Variants in RNF141 observed in about 807,000 individuals in gnomAD.
RNF141 encodes C3HC4-like zinc finger protein.
In RNF141, 18 loss-of-function variants were observed where a neutral mutation model predicts 27.4. That is an observed-to-expected ratio of 0.66 (90% confidence interval 0.45 to 0.97). The LOEUF (loss-of-function observed/expected upper bound fraction) is 0.97, where lower values mean the gene tolerates loss of function less well. RNF141 is among the 50% of genes least tolerant of loss of function. The pLI is 0.00. For missense variants in RNF141, 230 were observed against 279.4 expected (o/e 0.82, Z 1.26); for synonymous variants, 97 against 96.6 (o/e 1.00, Z -0.02).
chr11:10,523,194 T>G (rs1414045240), intron 4 of RNF141, among the ~76,000 whole-genome samples: 1 of 152,238 alleles, frequency 6.6e-6, no homozygotes, highest in Non-Finnish European at 1.5e-5. Flanking sequence ...TGGCCCCACC[T>G]GGGAGCTTGA....
chr11:10,527,574 G>C (rs907596119), intron 3 of RNF141, among the ~76,000 whole-genome samples: 1 of 152,030 alleles, frequency 6.6e-6, no homozygotes, highest in African/African-American at 2.4e-5. Context: ...GGTGAGGTGG[G>C]AATAGAATAT....
rs751787351 is a variant in RNF141 at position 10,540,829 on chromosome 11, A to C, written c.-48+293T>G. The C allele has an allele frequency of 2.6e-5, 4 of 152,368 alleles. No homozygotes were observed. In the South Asian group the frequency reaches 8.3e-4, roughly 32 times the overall value. 9.4% of individuals were successfully genotyped at this position (152,368 alleles called of 1,614,324 possible). On this transcript the variant is annotated intron_variant, in intron 1 of 5. Coordinates refer to ENST00000265981, the MANE Select transcript of RNF141 (RefSeq NM_016422.4). ...GCAATATTCAAACAACCGTTTTGGG[A>C]TAGAGAAGGAAAAACTCTCTCCGGG... is the stretch of plus-strand genomic sequence containing the variant.
At position 10,512,088 on chromosome 11, in the gene RNF141, G is replaced by A. The variant is rs962125900; in HGVS notation, c.*2828C>T. The A allele has an allele frequency of 6.6e-6, 1 of 152,606 alleles. No individual in the cohort carries two copies. The highest frequency in any genetic ancestry group is 2.4e-5 in the African/African-American group (1 of 41,420). The allele number at this position is 152,606 out of a possible 1,614,324, so 9.5% of individuals were successfully genotyped here. ...ATCGGAGTAAACCCTCTGTTACTGA[G>A]TTAGGATAGGGAAAACAAATTCCTT... is the stretch of plus-strand genomic sequence containing the variant. On this transcript the variant is annotated 3_prime_UTR_variant, in exon 6 of 6. Transcript: ENST00000265981.
intron 3 of RNF141, among the ~76,000 whole-genome samples, chr11:10,525,947 AAGGTTGTACCTTTAC>A (rs938102015): frequency 1.2e-4 from 18 of 152,142 alleles, no homozygotes; most frequent in African/African-American, 3.9e-4. Context: ...CAGTGGCCCA[AAGGTTGTACCTTTAC>A]AGGTTGTACC....
intron 4 of RNF141, 74 bp downstream of exon 4, chr11:10,525,118 G>T: frequency 1.7e-6 from 2 of 1,176,380 alleles, no homozygotes; most frequent in Non-Finnish European, 2.3e-6. Flanking sequence ...ATGAGCAACA[G>T]CAAAAATATT....
In RNF141 at chr11:10,513,313, A is replaced by G. The variant is rs1849816752; in HGVS notation, c.*1603T>C. ...TTATTTGCTCGCCTATTAAAATCCT[A>G]CTATCCAGAAATTCTGTCATCAATA... is the stretch of plus-strand genomic sequence containing the variant. On this transcript the variant is annotated 3_prime_UTR_variant, in exon 6 of 6. Transcript: ENST00000265981. 6.6e-6 allele frequency: 1 copy of G among 152,328 alleles called. No homozygotes were observed. The highest frequency in any genetic ancestry group is 2.4e-5 in the African/African-American group (1 of 41,578). 9.4% of individuals were successfully genotyped at this position (152,328 alleles called of 1,614,324 possible).
chr11:10,532,255 T>C (rs1849993426), intron 2 of RNF141, among the ~76,000 whole-genome samples: 1 of 152,082 alleles, frequency 6.6e-6, no homozygotes, highest in Non-Finnish European at 1.5e-5. Flanking sequence ...TGTTACTAAA[T>C]TCAGAATCCT....
At position 10,513,227 on chromosome 11, in the gene RNF141, T is replaced by A. The variant is rs1192077498; in HGVS notation, c.*1689A>T. On this transcript the variant is annotated 3_prime_UTR_variant, in exon 6 of 6. Coordinates refer to ENST00000265981, the MANE Select transcript of RNF141 (RefSeq NM_016422.4). ...ATGTCAATGGATTAGTCTTCAGTATTTTTGGGGGCGAAATCAAGCTACCCC... is the reference window on the plus strand; with the variant it reads ...ATGTCAATGGATTAGTCTTCAGTATATTTGGGGGCGAAATCAAGCTACCCC... 1 of 152,234 alleles carries A rather than the reference T, an allele frequency of 6.6e-6. No individual in the cohort carries two copies. The highest frequency in any genetic ancestry group is 1.5e-5 in the Non-Finnish European group (1 of 68,028). The allele number at this position is 152,234 out of a possible 1,614,324, so 9.4% of individuals were successfully genotyped here.
chr11:10,530,733 AG>A lies in RNF141; in HGVS notation c.161del (p.Ser54LeufsTer45). ...ELNDVTAKVASGQEKHLLFEV... is the reference protein window; with the variant it reads ...ELNDVTAKVAXGQEKHLLFEV... The stretch of plus-strand genomic sequence containing the variant: ...CAAAGAGAAGATGTTTTTCCTGGCC[AG>A]AAGCCACTTTAGCCGTTCTGAAAAG... On this transcript the variant is annotated frameshift_variant, in exon 3 of 6. Coordinates refer to ENST00000265981, the MANE Select transcript of RNF141 (RefSeq NM_016422.4). LOFTEE classifies it high-confidence loss of function. 1.9e-6 allele frequency: 3 copies of A among 1,606,176 alleles called. No homozygotes were observed. The highest frequency in any genetic ancestry group is 2.6e-6 in the Non-Finnish European group (3 of 1,175,398).
In RNF141 at chr11:10,512,500, T is replaced by A. The variant is rs1849809488; in HGVS notation, c.*2416A>T. 6.6e-6 allele frequency: 1 copy of A among 152,632 alleles called. No individual in the cohort carries two copies. Among genetic ancestry groups the A allele is most frequent in the South Asian group, 2.1e-4 (1 of 4,830 alleles). 9.5% of individuals were successfully genotyped at this position (152,632 alleles called of 1,614,324 possible). On this transcript the variant is annotated 3_prime_UTR_variant, in exon 6 of 6. Transcript: ENST00000265981. ...AATAACTCCTTGAAAGGTGAAGGAT[T>A]CTGGGGGATAAAATCATTGGCTATC...
Position 10,511,891 on chromosome 11 carries a change from T to C in RNF141, c.*3025A>G, listed in dbSNP as rs1056849815. 6.5e-6 allele frequency: 1 copy of C among 152,678 alleles called. No homozygotes were observed. 9.5% of individuals were successfully genotyped at this position (152,678 alleles called of 1,614,324 possible). On this transcript the variant is annotated 3_prime_UTR_variant, in exon 6 of 6. Coordinates refer to ENST00000265981, the MANE Select transcript of RNF141 (RefSeq NM_016422.4). ...AATATAAACATTTAGTATATTAGAA[T>C]GTGAAATTACATAGGAAAATAATCT...
At chr11:10,530,527 T>C in intron 3 of RNF141, 116 bp downstream of exon 3, 1 of 511,754 alleles carries the variant, frequency 2.0e-6, no homozygotes, top group East Asian at 3.2e-5. Flanking sequence ...AACTATGTTT[T>C]ACAAAACCAC....
At position 10,514,839 on chromosome 11, in the gene RNF141, G is replaced by T; in HGVS notation, c.*77C>A. ...AATGGATTTTCCTGTGTCTGTGCCA[G>T]TGCCACAACCCTACATTCTTCCCCC... On this transcript the variant is annotated 3_prime_UTR_variant, in exon 6 of 6. Coordinates refer to ENST00000265981, the MANE Select transcript of RNF141 (RefSeq NM_016422.4). 1 of 1,389,132 alleles carries T rather than the reference G, an allele frequency of 7.2e-7. No homozygotes were observed. The highest frequency in any genetic ancestry group is 9.7e-7 in the Non-Finnish European group (1 of 1,029,266). 86.1% of individuals were successfully genotyped at this position (1,389,132 alleles called of 1,614,324 possible). A position where few individuals can be genotyped will look rare whatever the true frequency, so the allele number is the denominator to read the frequency against.
intron 4 of RNF141, among the ~76,000 whole-genome samples, chr11:10,522,725 T>C (rs1849897743): frequency 6.6e-6 from 1 of 152,188 alleles, no homozygotes; most frequent in South Asian, 2.1e-4. Context: ...AAACAATAAA[T>C]AGAATATAGT....
intron 1 of RNF141, among the ~76,000 whole-genome samples, chr11:10,540,588 A>T (rs879933492): frequency 6.6e-6 from 1 of 152,196 alleles, no homozygotes; most frequent in East Asian, 1.9e-4. Context: ...GCCTAAGCCA[A>T]TTCATAAGTG....
Position 10,532,134 on chromosome 11 carries a change from A to G in RNF141, c.144-1383T>C, listed in dbSNP as rs1456360183. 3.9e-5 allele frequency: 11 copies of G among 283,328 alleles called. No homozygotes were observed. In the Admixed American group the frequency reaches 5.4e-4, roughly 14 times the overall value. 17.6% of individuals were successfully genotyped at this position (283,328 alleles called of 1,614,324 possible). ...ATGCTAAAGGGCAAAACTTCATACA[A>G]TAGACAGGGTTTATGAATATAAATT... On this transcript the variant is annotated intron_variant, in intron 2 of 5. Transcript: ENST00000265981.
intron 1 of RNF141, 91 bp from the exon 2 acceptor site, chr11:10,534,296 C>A (rs573728939): frequency 2.3e-6 from 2 of 874,872 alleles, no homozygotes; most frequent in East Asian, 2.5e-5. Context: ...ACTAGGGATA[C>A]CTTTAAGTGA....
chr11:10,515,081 A>G lies in RNF141; in HGVS notation c.543-15T>C, dbSNP rs765767924. 3.1e-6 allele frequency: 5 copies of G among 1,592,020 alleles called. No homozygotes were observed. Among genetic ancestry groups the G allele is most frequent in the Non-Finnish European group, 4.3e-6 (5 of 1,171,384 alleles). On this transcript the variant is annotated splice_polypyrimidine_tract_variant and intron_variant, in intron 5 of 5. Coordinates refer to ENST00000265981, the MANE Select transcript of RNF141 (RefSeq NM_016422.4). The stretch of plus-strand genomic sequence containing the variant: ...GTCGATCACTCCTATTAGAGAAGTC[A>G]AAACAAAACAGTTTGCTTTCTTCTT...
Position 10,513,323 on chromosome 11 carries a change from A to G in RNF141, c.*1593T>C, listed in dbSNP as rs565220559. ...GCCTATTAAAATCCTACTATCCAGA[A>G]ATTCTGTCATCAATAAGTGGCAACT... On this transcript the variant is annotated 3_prime_UTR_variant, in exon 6 of 6. Coordinates refer to ENST00000265981, the MANE Select transcript of RNF141 (RefSeq NM_016422.4). 6 of 152,356 alleles carry G rather than the reference A, an allele frequency of 3.9e-5. No individual in the cohort carries two copies. The South Asian group carries it at 1.0e-3, about 26-fold the overall frequency. The allele number at this position is 152,356 out of a possible 1,614,324, so 9.4% of individuals were successfully genotyped here.
Sources: allele counts gnomAD v4.1 joint callset (sites outside exome capture counted in the v4.1 genomes callset), GRCh38; gene constraint gnomAD v4.1.1; transcripts MANE v1.5; gene names NCBI Gene and HGNC (gene_info 2026-07-23, HGNC 2026-07-21).